The following FGFR2 variants were observed in gnomAD, a reference collection of about 807,000 sequenced individuals.
FGFR2 encodes the protein fibroblast growth factor receptor 2, also known as BEK fibroblast growth factor receptor.
A neutral mutation model predicts 95.9 loss-of-function variants in FGFR2; 19 were observed. That is an observed-to-expected ratio of 0.20 (90% CI 0.14 to 0.29). FGFR2 has a LOEUF of 0.29. Among genes scored for constraint, FGFR2 ranks in the 10% least tolerant of loss-of-function variants. The pLI is 1.00. For missense variants in FGFR2, 707 were observed against 1,056.9 expected, an observed-to-expected ratio of 0.67 and a Z score of 4.59; for synonymous variants, 392 against 393.3, an observed-to-expected ratio of 1.00 and a Z score of 0.04.
chr10:121,556,726 C>T (rs534360032), intron 4 of FGFR2, among the ~76,000 whole-genome samples: 4 of 152,248 alleles, frequency 2.6e-5, no homozygotes, highest in African/African-American at 9.6e-5. Context: ...GCCGCGGCCA[C>T]CAATGACTGC....
intron 5 of FGFR2, among the ~76,000 whole-genome samples, chr10:121,545,371 G>A (rs1854347965): frequency 6.6e-6 from 1 of 152,310 alleles, no homozygotes; most frequent in South Asian, 2.1e-4. Context: ...GCAAAACCAC[G>A]TAGGTCCAAA....
intron 2 of FGFR2, among the ~76,000 whole-genome samples, chr10:121,580,621 A>C (rs997430551): frequency 3.3e-5 from 5 of 152,078 alleles, no homozygotes; most frequent in Admixed American, 3.3e-4. Flanking sequence ...GCACCGCAGG[A>C]CCCAAGGAAG....
intron 4 of FGFR2, among the ~76,000 whole-genome samples, chr10:121,556,491 A>G (rs1349938524): frequency 6.6e-6 from 1 of 151,908 alleles, no homozygotes; most frequent in Non-Finnish European, 1.5e-5. Context: ...ATGGAATCAT[A>G]TTACCAGGCT....
chr10:121,496,836 T>C, intron 12 of FGFR2, 114 bp from the exon 13 acceptor site: 5 of 968,080 alleles, frequency 5.2e-6, no homozygotes, highest in Non-Finnish European at 6.3e-6. Context: ...TTTTTTAAAG[T>C]TTAACATACA....
intron 1 of FGFR2, among the ~76,000 whole-genome samples, chr10:121,597,536 A>G (rs2135535923): frequency 6.6e-6 from 1 of 152,290 alleles, no homozygotes; most frequent in South Asian, 2.1e-4. Flanking sequence ...CAGGGCCTGG[A>G]TGGTACGGAA....
At chr10:121,481,944 C>T in intron 17 of FGFR2, 1 of 347,386 alleles carries the variant, frequency 2.9e-6, no homozygotes, top group South Asian at 5.3e-5. Flanking sequence ...TCAAGTGACT[C>T]TCCTGCCTCA....
chr10:121,524,566 G>T (rs572646236), intron 6 of FGFR2, among the ~76,000 whole-genome samples: 1 of 152,194 alleles, frequency 6.6e-6, no homozygotes, highest in East Asian at 1.9e-4. Flanking sequence ...TCTGCCGAAC[G>T]CTGCGCTCCT....
rs748315048 is a variant in FGFR2, at chr10:121,565,566, T to C, written c.248A>G (p.Asn83Ser). 8.1e-6 allele frequency: 13 copies of C among 1,614,200 alleles called. No homozygotes were observed. The highest frequency in any genetic ancestry group is 9.3e-6 in the Non-Finnish European group (11 of 1,180,046). Residue 83 changes from asparagine (N) to serine (S), a missense_variant, in exon 3 of 18, where the codon AAT (asparagine) becomes AGT (serine). Asn to Ser is a conservative substitution (Grantham distance 46). This residue lies in a region of FGFR2 where 178 missense variants were observed against 194.1 expected (regional missense o/e 0.92). Coordinates refer to ENST00000358487, the MANE Select transcript of FGFR2 (RefSeq NM_000141.5). ...GTACTCCCCAATAAGCACTGTCCTA[T>C]TGTTGGGCCCCAAGTGCACCCCATC... The part of the protein sequence containing the change: ...TKDGVHLGPN[N>S]RTVLIGEYLQ...
intron 13 of FGFR2, among the ~76,000 whole-genome samples, chr10:121,492,944 G>T (rs1173612177): frequency 2.0e-5 from 3 of 152,080 alleles, no homozygotes; most frequent in Non-Finnish European, 4.4e-5. Flanking sequence ...GAGAGTTAGG[G>T]GCCTCATGAG....
chr10:121,567,121 C>T (rs1857785690), intron 2 of FGFR2, among the ~76,000 whole-genome samples: 1 of 152,110 alleles, frequency 6.6e-6, no homozygotes, highest in African/African-American at 2.4e-5. Context: ...TGCCTAGACA[C>T]CCCTCAGAAG....
intron 10 of FGFR2, among the ~76,000 whole-genome samples, chr10:121,501,795 T>A (rs2981459): frequency 0.85 from 129,875 of 152,254 alleles, 57,625 homozygotes; most frequent in East Asian, 0.98. Flanking sequence ...TGTGCTATGC[T>A]GAGGTCATTT....
In FGFR2 at chr10:121,560,276, C is replaced by G. The variant is rs1259035515; in HGVS notation, c.454+4226G>C. Among the ~76,000 whole-genome samples the G allele has an allele frequency of 2.0e-5, 3 of 152,074 alleles. No homozygotes were observed. The East Asian group carries it at 5.8e-4, about 29-fold the overall frequency. ...AGCACAGAGCCTGTCTAGTGCAGGC[C>G]CTCAGCATCTTTGCCTCCAGCTTCA... On this transcript the variant is annotated intron_variant, in intron 4 of 17. Coordinates refer to ENST00000358487, the MANE Select transcript of FGFR2 (RefSeq NM_000141.5).
In FGFR2 at chr10:121,545,978, C is replaced by T. The variant is rs561644261; in HGVS notation, c.624+5312G>A. 7.2e-5 allele frequency among the ~76,000 whole-genome samples: 11 copies of T among 152,202 alleles called. No individual in the cohort carries two copies. The East Asian group carries it at 1.4e-3, about 19-fold the overall frequency. ...CACGTTGAATGAGCCCTCTGTCCTG[C>T]GATCTCTCTTGGTCTATGCAGGCAC... On this transcript the variant is annotated intron_variant, in intron 5 of 17. Transcript: ENST00000358487.
At chr10:121,521,977 A>C (rs2912764) in intron 6 of FGFR2, among the ~76,000 whole-genome samples, 135,980 of 152,234 alleles carry the variant, frequency 0.89, 62,708 homozygotes, top group East Asian at 1. Flanking sequence ...AGAAGGAGGA[A>C]ATGGTGCAAT....
intron 6 of FGFR2, chr10:121,526,102 G>A (rs1227560445): frequency 2.5e-6 from 1 of 398,308 alleles, no homozygotes; most frequent in African/African-American, 2.1e-5. Context: ...CATGTAAGGA[G>A]CGTGGATAAC....
rs369574977 is a variant in FGFR2 at position 121,499,341 on chromosome 10, T to TA, written c.1562-737dup. Among the ~76,000 whole-genome samples, 449 of 150,040 alleles carry TA rather than the reference T, an allele frequency of 3.0e-3. 1 individual carries two copies. The highest frequency in any genetic ancestry group is 1.0e-2 in the African/African-American group (409 of 41,010). The stretch of plus-strand genomic sequence containing the variant: ...AGTATGGAAAAATCTGGGTTTCCTT[T>TA]AAAAAAAAAATGAAATATGGGCATG... On this transcript the variant is annotated intron_variant, in intron 11 of 17. Transcript: ENST00000358487.
intron 6 of FGFR2, among the ~76,000 whole-genome samples, chr10:121,529,108 A>T (rs867354239): frequency 6.6e-5 from 10 of 151,210 alleles, no homozygotes; most frequent in African/African-American, 2.2e-4. Context: ...TAATATTTTA[A>T]TTTTTTTTGT....
At chr10:121,523,695 G>A (rs545588007) in intron 6 of FGFR2, among the ~76,000 whole-genome samples, 1 of 152,238 alleles carries the variant, frequency 6.6e-6, no homozygotes, top group South Asian at 2.1e-4. Context: ...TTCCAGTTTT[G>A]CACTTGTACA....
At chr10:121,524,099 T>TGTACACACAC (rs1554933373) in intron 6 of FGFR2, among the ~76,000 whole-genome samples, 2 of 137,196 alleles carry the variant, frequency 1.5e-5, no homozygotes, top group East Asian at 2.1e-4. Flanking sequence ...CCCGGCTATG[T>TGTACACACAC]ATACACACAC....
Sources: gnomAD v4.1 joint callset for allele counts (sites outside exome capture counted in the v4.1 genomes callset) on GRCh38, gnomAD v4.1.1 for gene constraint, gnomAD v4.1.1 regional missense constraint, MANE v1.5 for transcripts, NCBI Gene and HGNC (gene_info 2026-07-23, HGNC 2026-07-21) for gene names.